The following RBKS variants were observed in gnomAD, a reference collection of about 807,000 sequenced individuals.
RBKS encodes the protein ribokinase.
A neutral mutation model predicts 33.9 loss-of-function variants in RBKS; 33 were observed. The observed-to-expected ratio is 0.97, with a 90% CI of 0.74 to 1.30. RBKS has a LOEUF of 1.30. Among genes scored for constraint, RBKS ranks in the 50% most tolerant of loss-of-function variants. The pLI is 0.00. For synonymous variants in RBKS, 125 were observed against 143.0 expected, an observed-to-expected ratio of 0.87 and a Z score of 0.90; for missense variants, 361 against 392.6, an observed-to-expected ratio of 0.92 and a Z score of 0.68.
intron 7 of RBKS, among the ~76,000 whole-genome samples, chr2:27,807,631 C>G (rs755065504): frequency 1.3e-4 from 20 of 152,280 alleles, no homozygotes; most frequent in Admixed American, 8.5e-4. Flanking sequence ...CTTGGCCTCA[C>G]AAAGTACTGG....
chr2:27,836,009 A>G (rs1396723987), intron 5 of RBKS, among the ~76,000 whole-genome samples: 2 of 151,918 alleles, frequency 1.3e-5, no homozygotes. Context: ...AAGTCAAGAG[A>G]TCGAGGCCAT....
chr2:27,808,161 AAAGT>A (rs1677926994), intron 7 of RBKS, among the ~76,000 whole-genome samples: 1 of 152,218 alleles, frequency 6.6e-6, no homozygotes, highest in Non-Finnish European at 1.5e-5. Context: ...GTGCAAAATC[AAAGT>A]AAGGTGGGGC....
rs1437081244 is a variant in RBKS at position 27,858,717 on chromosome 2, T to A, written c.90-146A>T. 9.0e-6 allele frequency: 6 copies of A among 668,048 alleles called. No individual in the cohort carries two copies. The South Asian group carries it at 1.2e-4, about 13-fold the overall frequency. The allele number at this position is 668,048 out of a possible 1,614,324, so 41.4% of individuals were successfully genotyped here. ...AAGCAGAAGCAACGAAGATTATCTC[T>A]TCCTTTAGGATGACATTTAGTAGTT... On this transcript the variant is annotated intron_variant, in intron 1 of 7. Transcript: ENST00000302188.
chr2:27,874,979 G>A (rs1015400229), intron 1 of RBKS, among the ~76,000 whole-genome samples: 3 of 152,156 alleles, frequency 2.0e-5, no homozygotes, highest in African/African-American at 7.2e-5. Context: ...TCTTTGAACT[G>A]TCTTGTTTAA....
chr2:27,852,205 A>G (rs1003146038), intron 2 of RBKS, among the ~76,000 whole-genome samples: 4 of 152,238 alleles, frequency 2.6e-5, no homozygotes, highest in South Asian at 2.1e-4. Flanking sequence ...GAAATGTTCT[A>G]TATCTGTGCT....
intron 1 of RBKS, among the ~76,000 whole-genome samples, chr2:27,881,067 A>C (rs550931247): frequency 7.2e-4 from 110 of 151,848 alleles, no homozygotes; most frequent in African/African-American, 2.4e-3. Flanking sequence ...ACCAACCAAC[A>C]AACAAACAAA....
Position 27,834,550 on chromosome 2 carries a change from C to T in RBKS, c.515-1773G>A, listed in dbSNP as rs185894841. Among the ~76,000 whole-genome samples, 265 of 152,286 alleles carry T rather than the reference C, an allele frequency of 1.7e-3. 1 individual carries two copies. The highest frequency in any genetic ancestry group is 6.8e-3 in the Middle Eastern group (2 of 294). ...CCTTCTGCTGGAGTTTGTAGCCTGG[C>T]AACAGTCTCTCTCATTGGTTCTCTC... On this transcript the variant is annotated intron_variant, in intron 5 of 7. Transcript: ENST00000302188.
At chr2:27,889,350 T>G (rs1018084813) in intron 1 of RBKS, among the ~76,000 whole-genome samples, 1 of 152,186 alleles carries the variant, frequency 6.6e-6, no homozygotes, top group African/African-American at 2.4e-5. Context: ...ACGAATGAGG[T>G]GTTACTGTAG....
At chr2:27,845,073 G>C (rs67986797) in intron 4 of RBKS, among the ~76,000 whole-genome samples, 10,700 of 152,238 alleles carry the variant, frequency 0.07, 731 homozygotes, top group African/African-American at 0.18. Context: ...AAAATTCAAA[G>C]TTCCCACTTG....
chr2:27,847,951 C>A (rs1336434059), intron 3 of RBKS, 83 bp downstream of exon 3: 12 of 772,316 alleles, frequency 1.6e-5, no homozygotes, highest in Admixed American at 1.0e-4. Flanking sequence ...GTCTAATAAT[C>A]CTCCTCTAGA....
chr2:27,816,616 T>G (rs755444520), intron 7 of RBKS, among the ~76,000 whole-genome samples: 2 of 152,078 alleles, frequency 1.3e-5, no homozygotes, highest in Non-Finnish European at 2.9e-5. Context: ...TTTTTTTGTT[T>G]TTTTGTTTTT....
chr2:27,781,799 A>G lies in RBKS; in HGVS notation c.796-11T>C. 6.2e-7 allele frequency: 1 copy of G among 1,603,938 alleles called. No individual in the cohort carries two copies. The highest frequency in any genetic ancestry group is 8.5e-7 in the Non-Finnish European group (1 of 1,175,206). On this transcript the variant is annotated splice_polypyrimidine_tract_variant and intron_variant, in intron 7 of 7. Transcript: ENST00000302188. ...GCTGTCACCAGCACCCTGTAATTGA[A>G]AGCACAGTTTTGAAGATAAGCATGT...
At chr2:27,875,368 C>T (rs994878717) in intron 1 of RBKS, among the ~76,000 whole-genome samples, 4 of 152,084 alleles carry the variant, frequency 2.6e-5, no homozygotes, top group East Asian at 3.9e-4. Flanking sequence ...GGCAACATGG[C>T]GAGACCTTGT....
At chr2:27,833,413 A>G (rs1411579902) in intron 5 of RBKS, among the ~76,000 whole-genome samples, 3 of 152,180 alleles carry the variant, frequency 2.0e-5, no homozygotes, top group Non-Finnish European at 4.4e-5. Flanking sequence ...AAGATTGAGA[A>G]AGGAGGAGGA....
chr2:27,801,982 ATATATATATATTTTTT>A (rs1677801681), intron 7 of RBKS, among the ~76,000 whole-genome samples: 3 of 95,418 alleles, frequency 3.1e-5, no homozygotes, highest in African/African-American at 1.4e-4. Context: ...ATATATATAT[ATATATATATATTTTTT>A]TTTTTTTTTT....
chr2:27,872,718 G>T (rs562276652), intron 1 of RBKS, among the ~76,000 whole-genome samples: 1 of 152,204 alleles, frequency 6.6e-6, no homozygotes, highest in Non-Finnish European at 1.5e-5. Context: ...ACAAGAAATT[G>T]TCAAATCCAC....
intron 7 of RBKS, among the ~76,000 whole-genome samples, chr2:27,823,079 C>G (rs1275657095): frequency 6.6e-6 from 1 of 152,154 alleles, no homozygotes; most frequent in African/African-American, 2.4e-5. Flanking sequence ...TCAGTGCAAT[C>G]CCAAATGCAA....
chr2:27,890,128 TGCAGC>T lies in RBKS; in HGVS notation c.89+124_89+128del. 2 of 754,574 alleles carry T rather than the reference TGCAGC, an allele frequency of 2.7e-6. No homozygotes were observed. The highest frequency in any genetic ancestry group is 4.3e-6 in the Non-Finnish European group (2 of 468,030). 46.7% of individuals were successfully genotyped at this position (754,574 alleles called of 1,614,324 possible). A position where few individuals can be genotyped will look rare whatever the true frequency, so the allele number is the denominator to read the frequency against. ...AGGTAGGCTGAAGGCTTCGAAAACC[TGCAGC>T]TCATACCCAAAGCTAGCACTGTCTA... On this transcript the variant is annotated intron_variant, in intron 1 of 7. Coordinates refer to ENST00000302188, the MANE Select transcript of RBKS (RefSeq NM_022128.3). This position sits in a 1 kb window ranked among gnomAD's most constrained non-coding sequence, Gnocchi z 4.8.
intron 5 of RBKS, among the ~76,000 whole-genome samples, chr2:27,841,600 T>G (rs1043513706): frequency 2.6e-5 from 4 of 152,164 alleles, no homozygotes; most frequent in Non-Finnish European, 5.9e-5. Flanking sequence ...AGCATGTTGT[T>G]TTGCCAAGAG....
Sources: allele counts gnomAD v4.1 joint callset (sites outside exome capture counted in the v4.1 genomes callset), GRCh38; gene constraint gnomAD v4.1.1; non-coding constraint Gnocchi (gnomAD v3.1); transcripts MANE v1.5; gene names NCBI Gene and HGNC (gene_info 2026-07-23, HGNC 2026-07-21).